The following BICDL1 variants were observed in gnomAD, a reference collection of about 807,000 sequenced individuals.
BICDL1 encodes BICD family like cargo adaptor 1.
In BICDL1, 20 loss-of-function variants were observed where a neutral mutation model predicts 76.8. That is an observed-to-expected ratio of 0.26 (90% CI 0.18 to 0.38). The LOEUF (loss-of-function observed/expected upper bound fraction) is 0.38. Among genes scored for constraint, BICDL1 ranks in the 10% least tolerant of loss-of-function variants. The pLI, the probability that BICDL1 is intolerant of heterozygous loss-of-function variation, is 1.00. For synonymous variants in BICDL1, 383 were observed against 337.1 expected, an observed-to-expected ratio of 1.14 and a Z score of -1.49; for missense variants, 700 against 798.6, an observed-to-expected ratio of 0.88 and a Z score of 1.49.
At chr12:120,091,369 G>C in intron 9 of BICDL1, 11 of 1,011,760 alleles carry the variant, frequency 1.1e-5, no homozygotes, top group Non-Finnish European at 1.3e-5. Flanking sequence ...GAAGTTTTCA[G>C]TGTGCCAAAC....
chr12:120,089,703 G>A (rs534168077), intron 8 of BICDL1, among the ~76,000 whole-genome samples: 3 of 152,288 alleles, frequency 2.0e-5, no homozygotes, highest in South Asian at 4.1e-4. Flanking sequence ...TTCTTTATCC[G>A]TGAGGTGGGG....
At chr12:120,069,509 C>T (rs1050157703) in intron 4 of BICDL1, among the ~76,000 whole-genome samples, 4 of 152,184 alleles carry the variant, frequency 2.6e-5, no homozygotes, top group Admixed American at 6.6e-5. Context: ...TTCTGCTTCA[C>T]AAGGGTTTTC....
At chr12:119,992,201 A>G (rs561392865) in intron 1 of BICDL1, among the ~76,000 whole-genome samples, 2 of 152,354 alleles carry the variant, frequency 1.3e-5, no homozygotes, top group East Asian at 1.9e-4. Context: ...ATGTTCATTA[A>G]AGATACTAAG....
chr12:120,005,741 A>T (rs534916477), intron 2 of BICDL1, among the ~76,000 whole-genome samples: 3 of 152,262 alleles, frequency 2.0e-5, no homozygotes, highest in Non-Finnish European at 2.9e-5. Flanking sequence ...AATTTTTTTT[A>T]AAGTATTTTA....
chr12:120,083,218 A>G (rs1874129831), intron 8 of BICDL1, among the ~76,000 whole-genome samples: 1 of 152,126 alleles, frequency 6.6e-6, no homozygotes, highest in South Asian at 2.1e-4. Flanking sequence ...TTGGAAACAA[A>G]CATATTTACA....
At chr12:120,078,493 TATC>T (rs1283522677) in intron 7 of BICDL1, among the ~76,000 whole-genome samples, 4 of 152,362 alleles carry the variant, frequency 2.6e-5, no homozygotes, top group African/African-American at 7.2e-5. Context: ...CCAGATCAGT[TATC>T]ATGACAGCAG....
At chr12:120,052,744 A>G (rs1008515544) in intron 2 of BICDL1, among the ~76,000 whole-genome samples, 5 of 152,160 alleles carry the variant, frequency 3.3e-5, no homozygotes, top group East Asian at 1.9e-4. Context: ...GCCTGCAGCA[A>G]TTACTGTGAT....
chr12:120,081,876 CAT>C lies in BICDL1; in HGVS notation c.1583+861_1583+862del, dbSNP rs1874019822. Among the ~76,000 whole-genome samples, 3 of 148,698 alleles carry C rather than the reference CAT, an allele frequency of 2.0e-5. No homozygotes were observed. In the South Asian group the frequency reaches 6.3e-4, roughly 31 times the overall value. The stretch of plus-strand genomic sequence containing the variant: ...TGTTGGATTATGTTAAATCACAAGA[CAT>C]AGTGTCATCTCCATAAACACTTCAG... On this transcript the variant is annotated intron_variant, in intron 8 of 9. Transcript: ENST00000548673.
chr12:119,994,474 G>GT (rs1415402864), intron 1 of BICDL1, among the ~76,000 whole-genome samples: 1 of 151,596 alleles, frequency 6.6e-6, no homozygotes, highest in African/African-American at 2.4e-5. Context: ...GGGTGGTGGG[G>GT]TTTTTTTAGT....
At position 120,039,637 on chromosome 12, in the gene BICDL1, C is replaced by CAAA. The variant is rs58284420; in HGVS notation, c.646-22052_646-22050dup. Among the ~76,000 whole-genome samples the CAAA allele has an allele frequency of 3.6e-3, 194 of 54,548 alleles. 11 individuals carry two copies. Among genetic ancestry groups the CAAA allele is most frequent in the African/African-American group, 0.011 (154 of 14,118 alleles). The allele number at this position is 54,548 out of a possible 152,430, so 35.8% of individuals were successfully genotyped here. On this transcript the variant is annotated intron_variant, in intron 2 of 9. Coordinates refer to ENST00000548673, the MANE Select transcript of BICDL1 (RefSeq NM_001367886.1). ...TGGGTGACAGAGTGAGACTCCGTCT[C>CAAA]AAAAAAAAAAAAAAAAAAAAAAAGA...
At chr12:120,068,832 G>C (rs1594194223) in intron 4 of BICDL1, among the ~76,000 whole-genome samples, 1 of 152,134 alleles carries the variant, frequency 6.6e-6, no homozygotes, top group East Asian at 1.9e-4. Context: ...AGCAGCTGTG[G>C]TTGGGTCATC....
chr12:120,057,576 A>G (rs1953002570), intron 2 of BICDL1, among the ~76,000 whole-genome samples: 1 of 152,240 alleles, frequency 6.6e-6, no homozygotes, highest in Admixed American at 6.5e-5. Flanking sequence ...AGTCAAGTCC[A>G]AGGTGTGAAC....
At chr12:120,037,251 T>C (rs1952546558) in intron 2 of BICDL1, among the ~76,000 whole-genome samples, 1 of 152,212 alleles carries the variant, frequency 6.6e-6, no homozygotes, top group Non-Finnish European at 1.5e-5. Context: ...TCTGGTATGT[T>C]AGTTTTATTA....
At chr12:120,050,552 C>A (rs1952837236) in intron 2 of BICDL1, among the ~76,000 whole-genome samples, 1 of 152,056 alleles carries the variant, frequency 6.6e-6, no homozygotes, top group African/African-American at 2.4e-5. Context: ...CAGGCGTGAG[C>A]CACCACGCCT....
chr12:119,994,266 G>C (rs978231212), intron 1 of BICDL1, among the ~76,000 whole-genome samples: 1 of 152,114 alleles, frequency 6.6e-6, no homozygotes, highest in Non-Finnish European at 1.5e-5. Flanking sequence ...CATAATGGGA[G>C]TCACTAGTGG....
chr12:120,039,661 GAAA>G (rs1195844278), intron 2 of BICDL1, among the ~76,000 whole-genome samples: 1 of 105,916 alleles, frequency 9.4e-6, no homozygotes. Flanking sequence ...AAAAAAAAAA[GAAA>G]AGGCTTCATG....
intron 6 of BICDL1, among the ~76,000 whole-genome samples, chr12:120,073,348 C>G (rs1873258698): frequency 6.6e-6 from 1 of 152,216 alleles, no homozygotes; most frequent in African/African-American, 2.4e-5. Context: ...GGAAACTTTG[C>G]ATATAGAAGT....
intron 2 of BICDL1, among the ~76,000 whole-genome samples, chr12:120,023,643 A>C (rs1952227609): frequency 6.6e-6 from 1 of 152,116 alleles, no homozygotes; most frequent in Non-Finnish European, 1.5e-5. Context: ...ACAAAAAATT[A>C]GCTGAGCGTG....
Position 120,093,217 on chromosome 12 carries a change from G to A in BICDL1, c.*56G>A. On this transcript the variant is annotated 3_prime_UTR_variant, in exon 10 of 10. Coordinates refer to ENST00000548673, the MANE Select transcript of BICDL1 (RefSeq NM_001367886.1). ...TGGACTGGAGGCAGCTGGAAAGGCG[G>A]TGCAGGCAAGGCCTCCCCTGCAGCT... 2 of 1,538,798 alleles carry A rather than the reference G, an allele frequency of 1.3e-6. No homozygotes were observed. The highest frequency in any genetic ancestry group is 1.8e-6 in the Non-Finnish European group (2 of 1,137,012).
Sources: allele counts gnomAD v4.1 joint callset (sites outside exome capture counted in the v4.1 genomes callset), GRCh38; gene constraint gnomAD v4.1.1; transcripts MANE v1.5; gene names NCBI Gene and HGNC (gene_info 2026-07-23, HGNC 2026-07-21).